Variants in MSRB2 observed in about 807,000 individuals in gnomAD.
MSRB2 encodes methionine sulfoxide reductase B2, also known as methionine-R-sulfoxide reductase B2, mitochondrial.
A neutral mutation model predicts 19.0 loss-of-function variants in MSRB2; 17 were observed. The ratio of observed to expected loss-of-function variants is 0.89; its 90% CI spans 0.61 to 1.34. The LOEUF (loss-of-function observed/expected upper bound fraction) is 1.34, where lower values mean the gene tolerates loss of function less well. Among genes scored for constraint, MSRB2 ranks in the 40% most tolerant of loss-of-function variants. MSRB2 has a pLI of 0.00. For synonymous variants in MSRB2, 107 were observed against 99.7 expected (o/e 1.07, Z -0.44); for missense variants, 208 against 237.6 (o/e 0.88, Z 0.82).
chr10:23,110,057 T>C (rs1281139181), intron 2 of MSRB2, among the ~76,000 whole-genome samples, 185 bp from the exon 3 acceptor site: 1 of 152,272 alleles, frequency 6.6e-6, no homozygotes, highest in Non-Finnish European at 1.5e-5. Context: ...AAGCCCAGGC[T>C]GTAAATACAT....
intron 3 of MSRB2, chr10:23,118,967 T>C: frequency 2.2e-6 from 1 of 463,386 alleles, no homozygotes; most frequent in Non-Finnish European, 4.3e-6. Flanking sequence ...ATTTCTCCCC[T>C]TTTGACATTT....
chr10:23,107,951 T>A (rs2131627105), intron 2 of MSRB2, among the ~76,000 whole-genome samples: 1 of 124,892 alleles, frequency 8.0e-6, no homozygotes, highest in Admixed American at 8.2e-5. Context: ...AGTATTCCTT[T>A]TCATTGATTT....
chr10:23,116,077 C>T (rs1172138795), intron 3 of MSRB2, among the ~76,000 whole-genome samples: 1 of 152,128 alleles, frequency 6.6e-6, no homozygotes, highest in African/African-American at 2.4e-5. Context: ...CAACTGCTCA[C>T]ATTCCATAGA....
rs1375007419 is a variant in MSRB2, at chr10:23,120,890, C to T, written c.*28C>T. On this transcript the variant is annotated 3_prime_UTR_variant, in exon 5 of 5. Coordinates refer to ENST00000376510, the MANE Select transcript of MSRB2 (RefSeq NM_012228.4). ...ATCTTCAAGAGTCCCGTTCCCTTGC[C>T]ACCCCTTCACGTGCACCCTCAATTT... The T allele has an allele frequency of 6.5e-7, 1 of 1,542,196 alleles. No homozygotes were observed. The highest frequency in any genetic ancestry group is 8.9e-7 in the Non-Finnish European group (1 of 1,117,674).
At chr10:23,118,337 G>GT (rs35011086) in intron 3 of MSRB2, among the ~76,000 whole-genome samples, 25,986 of 92,462 alleles carry the variant, frequency 0.28, 3,876 homozygotes, top group East Asian at 0.44. Context: ...TTAGTTTTTT[G>GT]TTTTTTTTTT....
chr10:23,101,374 C>CTA (rs940903076), intron 1 of MSRB2, among the ~76,000 whole-genome samples: 1 of 152,116 alleles, frequency 6.6e-6, no homozygotes, highest in East Asian at 1.9e-4. Context: ...ATTCCATAGT[C>CTA]TATATATATA....
chr10:23,119,710 T>C (rs1473248214), intron 4 of MSRB2, among the ~76,000 whole-genome samples: 1 of 152,216 alleles, frequency 6.6e-6, no homozygotes, highest in African/African-American at 2.4e-5. Context: ...TTCAAGTGCC[T>C]CAGCCTCCCG....
chr10:23,116,912 C>A (rs980598545), intron 3 of MSRB2, among the ~76,000 whole-genome samples: 1 of 152,120 alleles, frequency 6.6e-6, no homozygotes, highest in Non-Finnish European at 1.5e-5. Context: ...GGCTGTTCTG[C>A]CAGTCTTATG....
At chr10:23,108,821 C>T (rs1052048111) in intron 2 of MSRB2, among the ~76,000 whole-genome samples, 1 of 152,106 alleles carries the variant, frequency 6.6e-6, no homozygotes, top group African/African-American at 2.4e-5. Context: ...GTGTTGGAAG[C>T]AGGCATTTGA....
At chr10:23,103,160 T>C (rs1216517391) in intron 1 of MSRB2, among the ~76,000 whole-genome samples, 1 of 152,226 alleles carries the variant, frequency 6.6e-6, no homozygotes, top group Admixed American at 6.5e-5. Flanking sequence ...TGTTCAGTAT[T>C]ATAAACTGGA....
At chr10:23,103,546 T>TATGGACAAAAACCATGA (rs1484298887) in intron 1 of MSRB2, among the ~76,000 whole-genome samples, 1 of 152,152 alleles carries the variant, frequency 6.6e-6, no homozygotes, top group African/African-American at 2.4e-5. Context: ...GAAAACAAAA[T>TATGGACAAAAACCATGA]ATGGACAAAA....
intron 4 of MSRB2, among the ~76,000 whole-genome samples, chr10:23,120,557 T>TA (rs1446747469): frequency 6.6e-6 from 1 of 152,230 alleles, no homozygotes; most frequent in African/African-American, 2.4e-5. Context: ...GCTCACATCC[T>TA]ATTGATAAAG....
chr10:23,117,136 C>G (rs1376274956), intron 3 of MSRB2, among the ~76,000 whole-genome samples: 1 of 152,154 alleles, frequency 6.6e-6, no homozygotes, highest in African/African-American at 2.4e-5. Flanking sequence ...GACTAGGATG[C>G]TGAGGCTTCA....
chr10:23,112,995 G>A (rs1435657549), intron 3 of MSRB2, among the ~76,000 whole-genome samples: 1 of 152,196 alleles, frequency 6.6e-6, no homozygotes, highest in Non-Finnish European at 1.5e-5. Flanking sequence ...ACATACAAAT[G>A]CAGACTATAT....
At chr10:23,095,789 G>C in intron 1 of MSRB2, 63 bp downstream of exon 1, 1 of 1,122,828 alleles carries the variant, frequency 8.9e-7, no homozygotes, top group Non-Finnish European at 1.1e-6. Flanking sequence ...TTCACCGGCT[G>C]CACCCGGGAG....
intron 4 of MSRB2, among the ~76,000 whole-genome samples, chr10:23,119,791 C>T (rs1227213032): frequency 3.3e-5 from 5 of 151,958 alleles, no homozygotes; most frequent in Non-Finnish European, 7.4e-5. Context: ...GATGAGGTTT[C>T]GCCATGTTGG....
In MSRB2 at chr10:23,106,815, T is replaced by C. The variant is rs139920692; in HGVS notation, c.219+2571T>C. Among the ~76,000 whole-genome samples the C allele has an allele frequency of 3.8e-3, 574 of 152,308 alleles. 1 individual carries two copies. Among genetic ancestry groups the C allele is most frequent in the African/African-American group, 0.013 (541 of 41,568 alleles). On this transcript the variant is annotated intron_variant, in intron 2 of 4. Transcript: ENST00000376510. ...GGGATGCGTTGCCCTCACTTGTGGATTTCCATTGGCCCCGTCTGCACCTTT... is the reference window on the plus strand; with the variant it reads ...GGGATGCGTTGCCCTCACTTGTGGACTTCCATTGGCCCCGTCTGCACCTTT...
chr10:23,114,678 C>T (rs1588971085), intron 3 of MSRB2, among the ~76,000 whole-genome samples: 1 of 152,224 alleles, frequency 6.6e-6, no homozygotes, highest in African/African-American at 2.4e-5. Context: ...CCAGGCTCTT[C>T]ATGTGCATCG....
chr10:23,119,131 G>A (rs12768936), intron 3 of MSRB2, 173 bp from the exon 4 acceptor site: 1 of 769,472 alleles, frequency 1.3e-6, no homozygotes, highest in African/African-American at 1.7e-5. Flanking sequence ...CTTCGATAGT[G>A]AAGGTGCAGT....
Sources: gnomAD v4.1 joint callset for allele counts (sites outside exome capture counted in the v4.1 genomes callset) on GRCh38, gnomAD v4.1.1 for gene constraint, MANE v1.5 for transcripts, NCBI Gene and HGNC (gene_info 2026-07-23, HGNC 2026-07-21) for gene names.